Variants in LIPA observed in about 807,000 individuals in gnomAD.
The protein encoded by LIPA is lipase A, lysosomal acid type.
LIPA carries 26 observed loss-of-function variants against 40.6 expected under a neutral mutation model. That is an observed-to-expected ratio of 0.64 (90% CI 0.47 to 0.89). The LOEUF is 0.89. LIPA is among the 40% of genes least tolerant of loss of function. The pLI, the probability that LIPA is intolerant of heterozygous loss-of-function variation, is 0.00. For synonymous variants in LIPA, 188 were observed against 168.4 expected, an observed-to-expected ratio of 1.12 and a Z score of -0.90; for missense variants, 455 against 479.6, an observed-to-expected ratio of 0.95 and a Z score of 0.48.
chr10:89,234,566 G>A (rs1378495049), intron 3 of LIPA, among the ~76,000 whole-genome samples: 3 of 152,198 alleles, frequency 2.0e-5, no homozygotes, highest in Non-Finnish European at 4.4e-5. Context: ...ATACAAAAGG[G>A]AATGGAAAAG....
chr10:89,333,092 T>C (rs1319386264), intron 1 of LIPA, among the ~76,000 whole-genome samples: 1 of 152,236 alleles, frequency 6.6e-6, no homozygotes, highest in African/African-American at 2.4e-5. Flanking sequence ...TTCCAATTTA[T>C]GTTGAGGTCA....
intron 2 of LIPA, among the ~76,000 whole-genome samples, chr10:89,376,689 C>T (rs1476762187): frequency 6.6e-6 from 1 of 152,198 alleles, no homozygotes; most frequent in Non-Finnish European, 1.5e-5. Flanking sequence ...CAAGCAGCCC[C>T]TTAAACTGGC....
At chr10:89,332,655 A>G in intron 1 of LIPA, 2 of 1,611,230 alleles carry the variant, frequency 1.2e-6, no homozygotes, top group Non-Finnish European at 1.7e-6. Context: ...CTCTGATAGG[A>G]AACAGAATTT....
chr10:89,281,047 T>TA (rs981702832), intron 1 of LIPA, among the ~76,000 whole-genome samples: 4 of 152,250 alleles, frequency 2.6e-5, no homozygotes, highest in African/African-American at 9.6e-5. Context: ...ACTTTGGTTT[T>TA]AAAAACAGTG....
intron 1 of LIPA, among the ~76,000 whole-genome samples, chr10:89,413,101 GC>G (rs1294326838): frequency 6.6e-6 from 1 of 152,180 alleles, no homozygotes; most frequent in Non-Finnish European, 1.5e-5. Context: ...GTGAGAACAT[GC>G]AGTGTTTGGT....
intron 2 of LIPA, among the ~76,000 whole-genome samples, chr10:89,367,126 G>A (rs1216572648): frequency 1.3e-5 from 2 of 148,228 alleles, no homozygotes; most frequent in Non-Finnish European, 3.0e-5. Flanking sequence ...ATTGAACAAT[G>A]AGAACACTTG....
intron 1 of LIPA, among the ~76,000 whole-genome samples, chr10:89,281,064 T>A (rs2133498054): frequency 6.6e-6 from 1 of 152,360 alleles, no homozygotes; most frequent in African/African-American, 2.4e-5. Flanking sequence ...AGTGGCTATT[T>A]ATGATTTTAA....
chr10:89,349,656 G>C (rs183908303), intron 2 of LIPA, among the ~76,000 whole-genome samples: 37 of 152,288 alleles, frequency 2.4e-4, no homozygotes, highest in Non-Finnish European at 4.3e-4. Flanking sequence ...ATAGTCTCAA[G>C]ATGGGGAGAG....
At chr10:89,263,092 A>T (rs2133487572) in intron 1 of LIPA, among the ~76,000 whole-genome samples, 1 of 152,312 alleles carries the variant, frequency 6.6e-6, no homozygotes, top group Non-Finnish European at 1.5e-5. Context: ...CAAAATAGAT[A>T]TAGGGTATCA....
At chr10:89,256,784 C>T (rs1202713592) in intron 1 of LIPA, among the ~76,000 whole-genome samples, 2 of 152,164 alleles carry the variant, frequency 1.3e-5, no homozygotes, top group African/African-American at 2.4e-5. Flanking sequence ...GGTTGTCATC[C>T]GTGAGTGAAT....
At chr10:89,379,943 G>A (rs535183078) in intron 2 of LIPA, among the ~76,000 whole-genome samples, 3 of 152,002 alleles carry the variant, frequency 2.0e-5, no homozygotes, top group East Asian at 3.9e-4. Context: ...GCTGAGGCAG[G>A]AGAATGGCGT....
At chr10:89,387,299 C>T (rs972399118) in intron 2 of LIPA, among the ~76,000 whole-genome samples, 3 of 129,602 alleles carry the variant, frequency 2.3e-5, no homozygotes, top group Non-Finnish European at 3.1e-5. Flanking sequence ...GTCTGGGTGA[C>T]AGAGCAAGAC....
chr10:89,336,752 T>C (rs1354305481), intron 1 of LIPA, among the ~76,000 whole-genome samples: 1 of 134,710 alleles, frequency 7.4e-6, no homozygotes, highest in South Asian at 2.1e-4. Context: ...GGTTCATAAC[T>C]TTTTTTCTGA....
rs534767358 is a variant in LIPA, at chr10:89,228,570, A to T, written c.230-172T>A. Among the ~76,000 whole-genome samples the T allele has an allele frequency of 3.8e-3, 586 of 152,348 alleles. 3 individuals carry two copies. Among genetic ancestry groups the T allele is most frequent in the African/African-American group, 0.013 (539 of 41,572 alleles). ...TATAATGTTAGTAAAGAATTTTTTT[A>T]AAACAGCACTGGCAAGGTAGCAGTG... On this transcript the variant is annotated intron_variant, in intron 3 of 9. Coordinates refer to ENST00000336233, the MANE Select transcript of LIPA (RefSeq NM_000235.4).
chr10:89,303,624 G>A (rs1843459723), intron 1 of LIPA, among the ~76,000 whole-genome samples: 1 of 152,158 alleles, frequency 6.6e-6, no homozygotes, highest in Non-Finnish European at 1.5e-5. Flanking sequence ...TGCTCAAAGG[G>A]CTTTTACCTA....
chr10:89,285,962 G>T (rs905022493), intron 1 of LIPA, among the ~76,000 whole-genome samples: 16 of 151,822 alleles, frequency 1.1e-4, no homozygotes, highest in African/African-American at 3.9e-4. Context: ...GTGTTCTCAA[G>T]AACTTAAAAC....
At chr10:89,375,060 C>G (rs1244222502) in intron 2 of LIPA, among the ~76,000 whole-genome samples, 1 of 152,234 alleles carries the variant, frequency 6.6e-6, no homozygotes, top group Non-Finnish European at 1.5e-5. Context: ...TCAGCACAGA[C>G]TGCACAGATA....
chr10:89,387,348 A>C (rs1844218176), intron 2 of LIPA, among the ~76,000 whole-genome samples: 1 of 151,944 alleles, frequency 6.6e-6, no homozygotes, highest in African/African-American at 2.4e-5. Context: ...CTATTTTAAC[A>C]ACATCAATTC....
chr10:89,334,464 CTTTTTCTTTTATTCTTTTT>C (rs1843698563), intron 1 of LIPA, among the ~76,000 whole-genome samples: 1 of 70,256 alleles, frequency 1.4e-5, no homozygotes, highest in Non-Finnish European at 3.1e-5. Context: ...GTTTTTTCTT[CTTTTTCTTTTATTCTTTTT>C]TTTTTTTTTT....
Sources: gnomAD v4.1 joint callset for allele counts (sites outside exome capture counted in the v4.1 genomes callset) on GRCh38, gnomAD v4.1.1 for gene constraint, MANE v1.5 for transcripts, NCBI Gene and HGNC (gene_info 2026-07-23, HGNC 2026-07-21) for gene names.